The following SWT1 variants were observed in gnomAD, a reference collection of about 807,000 sequenced individuals.
SWT1 encodes the protein SWT1 RNA endoribonuclease homolog.
Under a neutral mutation model 107.3 loss-of-function variants are expected in SWT1, and 33 were observed. That is an observed-to-expected ratio of 0.31 (90% CI 0.23 to 0.41). The LOEUF (loss-of-function observed/expected upper bound fraction) is 0.41, where lower values mean the gene tolerates loss of function less well. Ranked by LOEUF, SWT1 falls within the 10% of genes least tolerant of loss-of-function variation. The probability of loss-of-function intolerance (pLI) is 1.00; values close to 1 mark genes in which losing one functional copy is unlikely to be tolerated. For missense variants in SWT1, 898 were observed against 1,028.9 expected, an observed-to-expected ratio of 0.87 and a Z score of 1.74; for synonymous variants, 345 against 348.3, an observed-to-expected ratio of 0.99 and a Z score of 0.11.
intron 16 of SWT1, among the ~76,000 whole-genome samples, chr1:185,249,089 C>G (rs1661821827): frequency 6.6e-6 from 1 of 152,114 alleles, no homozygotes; most frequent in African/African-American, 2.4e-5. Context: ...CAGACACTAT[C>G]TCCAGACACT....
chr1:185,224,758 G>A (rs1344054604), intron 15 of SWT1, among the ~76,000 whole-genome samples: 4 of 151,932 alleles, frequency 2.6e-5, no homozygotes, highest in Non-Finnish European at 5.9e-5. Context: ...TTCTTTTTCA[G>A]ATAGTTCACT....
chr1:185,259,668 C>T (rs1025369658), intron 16 of SWT1, among the ~76,000 whole-genome samples: 1 of 151,962 alleles, frequency 6.6e-6, no homozygotes, highest in African/African-American at 2.4e-5. Context: ...GGGACATTGA[C>T]CTTAAGCTAA....
intron 16 of SWT1, chr1:185,264,252 G>T (rs1663228926): frequency 1.7e-6 from 1 of 578,788 alleles, no homozygotes; most frequent in African/African-American, 2.0e-5. Context: ...TAAGTATATA[G>T]TAGACATCTT....
intron 18 of SWT1, among the ~76,000 whole-genome samples, chr1:185,282,275 C>T (rs1011576918): frequency 6.6e-6 from 1 of 151,964 alleles, no homozygotes; most frequent in South Asian, 2.1e-4. Flanking sequence ...TGAGAAAAAC[C>T]ACACCACATT....
At chr1:185,199,395 C>T (rs942164820) in intron 10 of SWT1, among the ~76,000 whole-genome samples, 2 of 152,074 alleles carry the variant, frequency 1.3e-5, no homozygotes, top group Non-Finnish European at 2.9e-5. Flanking sequence ...ACTGGTTGTT[C>T]CTTTCCATAT....
chr1:185,171,709 A>G (rs768712848), intron 4 of SWT1: 2 of 480,138 alleles, frequency 4.2e-6, no homozygotes, highest in African/African-American at 2.0e-5. Context: ...CATGGATGCC[A>G]TGGTGGCAGT....
At chr1:185,234,045 A>G (rs180919211) in intron 16 of SWT1, among the ~76,000 whole-genome samples, 1 of 152,070 alleles carries the variant, frequency 6.6e-6, no homozygotes, top group African/African-American at 2.4e-5. Flanking sequence ...CGCCCGGCCT[A>G]ATTTTAAAAT....
chr1:185,285,765 A>G (rs1664911068), intron 18 of SWT1, among the ~76,000 whole-genome samples: 1 of 152,198 alleles, frequency 6.6e-6, no homozygotes, highest in East Asian at 1.9e-4. Context: ...ATCCATATAC[A>G]TGTATGTGGA....
At chr1:185,225,165 A>G (rs1220271973) in intron 15 of SWT1, among the ~76,000 whole-genome samples, 2 of 152,122 alleles carry the variant, frequency 1.3e-5, no homozygotes, top group South Asian at 2.1e-4. Context: ...TTCTGCATCT[A>G]TTGAAATGAT....
chr1:185,176,682 G>C (rs1349192298), intron 5 of SWT1: 7 of 985,190 alleles, frequency 7.1e-6, no homozygotes, highest in African/African-American at 1.7e-5. Context: ...CCTGCTTTTA[G>C]GTATTAAGAC....
At chr1:185,238,322 T>G (rs1661040331) in intron 16 of SWT1, among the ~76,000 whole-genome samples, 1 of 152,144 alleles carries the variant, frequency 6.6e-6, no homozygotes, top group Non-Finnish European at 1.5e-5. Context: ...AGCCTCAGTG[T>G]TCATAAAACA....
At chr1:185,207,937 GATT>G (rs1658467316) in intron 13 of SWT1, among the ~76,000 whole-genome samples, 1 of 152,050 alleles carries the variant, frequency 6.6e-6, no homozygotes, top group Non-Finnish European at 1.5e-5. Flanking sequence ...AGCAAAGTGT[GATT>G]ATTATTAAAG....
At chr1:185,231,505 T>C in intron 15 of SWT1, 72 bp from the exon 16 acceptor site, 1 of 1,075,454 alleles carries the variant, frequency 9.3e-7, no homozygotes, top group Non-Finnish European at 1.4e-6. Context: ...TTTATACATT[T>C]GCAGCTGAAA....
At chr1:185,288,653 G>A (rs1481415920) in intron 18 of SWT1, among the ~76,000 whole-genome samples, 1 of 152,054 alleles carries the variant, frequency 6.6e-6, no homozygotes, top group Non-Finnish European at 1.5e-5. Flanking sequence ...CAGTGTAACT[G>A]TTAAAATAAA....
intron 18 of SWT1, among the ~76,000 whole-genome samples, chr1:185,282,353 A>C (rs1664683635): frequency 6.6e-6 from 1 of 151,348 alleles, no homozygotes; most frequent in Non-Finnish European, 1.5e-5. Context: ...TTTACCTTCG[A>C]AGACACAATT....
intron 13 of SWT1, among the ~76,000 whole-genome samples, chr1:185,210,403 G>T (rs1658691705): frequency 6.6e-6 from 1 of 152,094 alleles, no homozygotes; most frequent in Non-Finnish European, 1.5e-5. Flanking sequence ...TTTGTATAAG[G>T]TGTAAGGAAG....
In SWT1 at chr1:185,271,332, C is replaced by T. The variant is rs1304184338; in HGVS notation, c.2451C>T (p.Ala817=). Reference sequence around the variant, plus strand: ...TTATTTTATTTTTTAGGATTTTGGCCCCAAACAGTAATTATCAAGATGTTG... The same window carrying T: ...TTATTTTATTTTTTAGGATTTTGGCTCCAAACAGTAATTATCAAGATGTTG... ...DILEGIQRIL[A]PNSNYQDVET... is the part of the protein sequence containing the mutation. The change falls in exon 17 of 19, where the codon GCC becomes GCT. Residue 817 remains alanine (A), a synonymous_variant. Coordinates refer to ENST00000367500, the MANE Select transcript of SWT1 (RefSeq NM_017673.7). The T allele has an allele frequency of 2.6e-6, 4 of 1,517,512 alleles. No homozygotes were observed. The highest frequency in any genetic ancestry group is 3.7e-6 in the Non-Finnish European group (4 of 1,093,936). The allele number at this position is 1,517,512 out of a possible 1,614,324, so 94.0% of individuals were successfully genotyped here. A position where few individuals can be genotyped will look rare whatever the true frequency, so the allele number is the denominator to read the frequency against.
chr1:185,242,758 CT>C (rs1301689363), intron 16 of SWT1, among the ~76,000 whole-genome samples: 1 of 152,048 alleles, frequency 6.6e-6, no homozygotes, highest in Non-Finnish European at 1.5e-5. Flanking sequence ...TTAAAATTTA[CT>C]TCTTGTTTTA....
intron 16 of SWT1, among the ~76,000 whole-genome samples, chr1:185,260,701 A>G (rs1662958974): frequency 6.6e-6 from 1 of 152,176 alleles, no homozygotes; most frequent in South Asian, 2.1e-4. Context: ...CACAAGGTCA[A>G]GTGAAAGGGT....
Sources: gnomAD v4.1 joint callset for allele counts (sites outside exome capture counted in the v4.1 genomes callset) on GRCh38, gnomAD v4.1.1 for gene constraint, MANE v1.5 for transcripts, NCBI Gene and HGNC (gene_info 2026-07-23, HGNC 2026-07-21) for gene names.